Variants in JMJD7 observed in about 807,000 individuals in gnomAD.
JMJD7 encodes the protein bifunctional peptidase and (3S)-lysyl hydroxylase JMJD7.
A neutral mutation model predicts 41.1 loss-of-function variants in JMJD7; 41 were observed. That is an observed-to-expected ratio of 1.00 (90% CI 0.78 to 1.30). The LOEUF is 1.30. Among genes scored for constraint, JMJD7 ranks in the 50% most tolerant of loss-of-function variants. The pLI is 0.00. For missense variants in JMJD7, 480 were observed against 420.7 expected (o/e 1.14, Z -1.23); for synonymous variants, 202 against 177.2 (o/e 1.14, Z -1.11).
intron 1 of JMJD7, 24 bp downstream of exon 1, chr15:41,828,212 C>G: frequency 6.7e-7 from 1 of 1,495,434 alleles, no homozygotes. Context: ...CCACAGGCTG[C>G]GGCGATTTCC....
In JMJD7 at chr15:41,836,836, A is replaced by G. The variant is rs2065327157; in HGVS notation, c.758A>G (p.Tyr253Cys). The change falls in exon 7 of 8, where the codon TAC (tyrosine) becomes TGC (cysteine). Residue 253 changes from tyrosine to cysteine, a missense_variant. Tyr to Cys is a radical substitution (Grantham distance 194). Transcript: ENST00000397299. ...LAPDLARYPS[Y>C]SQAQALRCTV... ...CCAGACCTAGCACGGTACCCTAGTTACAGTCAGGCCCAGGCCCTTCGCTGC... is the reference window on the plus strand; with the variant it reads ...CCAGACCTAGCACGGTACCCTAGTTGCAGTCAGGCCCAGGCCCTTCGCTGC... The G allele has an allele frequency of 6.2e-7, 1 of 1,612,982 alleles. No homozygotes were observed. The highest frequency in any genetic ancestry group is 8.5e-7 in the Non-Finnish European group (1 of 1,179,682).
rs749556787 is a variant in JMJD7, at chr15:41,837,077, G to A, written c.872G>A (p.Trp291Ter). The change falls in exon 8 of 8, where the codon TGG becomes TAG. Residue 291 changes from tryptophan to a stop codon, truncating the protein, a stop_gained. Coordinates refer to ENST00000397299, the MANE Select transcript of JMJD7 (RefSeq NM_001114632.2). LOFTEE classifies it high-confidence loss of function. ...CCCGTTCTTCCCACAGTGAATTTCT[G>A]GTATGACATGGAATACGACCTCAAG... The part of the protein sequence containing the change: ...QSQGCIAVNF[W>*]YDMEYDLKYS... 1 of 1,613,198 alleles carries A rather than the reference G, an allele frequency of 6.2e-7. No homozygotes were observed. Among genetic ancestry groups the A allele is most frequent in the African/African-American group, 1.3e-5 (1 of 74,916 alleles).
chr15:41,836,247 G>A lies in JMJD7; in HGVS notation c.625+4G>A. The A allele has an allele frequency of 6.2e-7, 1 of 1,612,468 alleles. No homozygotes were observed. Among genetic ancestry groups the A allele is most frequent in the Non-Finnish European group, 8.5e-7 (1 of 1,179,354 alleles). On this transcript the variant is annotated splice_donor_region_variant and intron_variant, in intron 5 of 7. Transcript: ENST00000397299. ...GACCGGCCCTTCATCCCCTATGGTA[G>A]GGGATGTGGCCTGCAGGGAGGGGCT...
In JMJD7 at chr15:41,828,141, T is replaced by C. The variant is rs1166251024; in HGVS notation, c.17T>C (p.Leu6Ser). ...GACGCAGCCATGGCGGAGGCGGCTT[T>C]GGAAGCCGTGCGGAGCGAGTTACGA... The part of the protein sequence containing the change: MAEAA[L>S]EAVRSELREF... Residue 6 changes from leucine to serine, a missense_variant, in exon 1 of 8, where the codon TTG (leucine) becomes TCG (serine). Physicochemically the swap from Leu to Ser is moderately radical, Grantham distance 145 (BLOSUM62 -2). Coordinates refer to ENST00000397299, the MANE Select transcript of JMJD7 (RefSeq NM_001114632.2). 7 of 1,476,942 alleles carry C rather than the reference T, an allele frequency of 4.7e-6. No homozygotes were observed. The African/African-American group carries it at 7.4e-5, about 16-fold the overall frequency. The allele number at this position is 1,476,942 out of a possible 1,614,324, so 91.5% of individuals were successfully genotyped here.
intron 1 of JMJD7, among the ~76,000 whole-genome samples, chr15:41,833,413 T>TATATATATATATATATATAG (rs2065260832): frequency 1.9e-5 from 1 of 52,688 alleles, no homozygotes; most frequent in Non-Finnish European, 4.0e-5. Flanking sequence ...TATATATATA[T>TATATATATATATATATATAG]ATTTTTTTTT....
At chr15:41,836,269 G>C (rs779016414) in intron 5 of JMJD7, 26 bp downstream of exon 5, 2 of 1,611,714 alleles carry the variant, frequency 1.2e-6, no homozygotes, top group Non-Finnish European at 1.7e-6. Context: ...TGCAGGGAGG[G>C]GCTGGGGAAC....
rs761210356 is a variant in JMJD7, at chr15:41,828,129, C to T, written c.5C>T (p.Ala2Val). Reference sequence around the variant, plus strand: ...TCGGCCGGCGCTGACGCAGCCATGGCGGAGGCGGCTTTGGAAGCCGTGCGG... The same window carrying T: ...TCGGCCGGCGCTGACGCAGCCATGGTGGAGGCGGCTTTGGAAGCCGTGCGG... M[A>V]EAALEAVRSE... Residue 2 changes from alanine to valine, a missense_variant, in exon 1 of 8, where the codon GCG (alanine) becomes GTG (valine). Coordinates refer to ENST00000397299, the MANE Select transcript of JMJD7 (RefSeq NM_001114632.2). 2.3e-5 allele frequency: 33 copies of T among 1,461,884 alleles called. No individual in the cohort carries two copies. Among genetic ancestry groups the T allele is most frequent in the South Asian group, 5.7e-5 (4 of 69,840 alleles). 90.6% of individuals were successfully genotyped at this position (1,461,884 alleles called of 1,614,324 possible).
At position 41,828,098 on chromosome 15, in the gene JMJD7, G is replaced by T. The variant is rs746759213; in HGVS notation, c.-27G>T. The T allele has an allele frequency of 9.1e-6, 13 of 1,426,262 alleles. No individual in the cohort carries two copies. Among genetic ancestry groups the T allele is most frequent in the Non-Finnish European group, 1.1e-5 (12 of 1,094,366 alleles). 88.4% of individuals were successfully genotyped at this position (1,426,262 alleles called of 1,614,324 possible). ...CTGCGGCGGGGCGTCGGGGAAAGGC[G>T]GGGTCTCGGCCGGCGCTGACGCAGC... On this transcript the variant is annotated 5_prime_UTR_variant, in exon 1 of 8. Coordinates refer to ENST00000397299, the MANE Select transcript of JMJD7 (RefSeq NM_001114632.2).
At chr15:41,830,720 C>G (rs1353802015) in intron 1 of JMJD7, among the ~76,000 whole-genome samples, 2 of 152,224 alleles carry the variant, frequency 1.3e-5, no homozygotes, top group Non-Finnish European at 2.9e-5. Context: ...AGTGCCTGAT[C>G]CTGCTGTCTG....
At chr15:41,836,579 G>A (rs1403141516) in intron 6 of JMJD7, 28 bp downstream of exon 6, 2 of 1,534,846 alleles carry the variant, frequency 1.3e-6, no homozygotes, top group African/African-American at 1.4e-5. Context: ...GGGCTCTAGG[G>A]AGGGAGAAGG....
At chr15:41,831,312 C>T (rs114919839) in intron 1 of JMJD7, among the ~76,000 whole-genome samples, 1,938 of 152,276 alleles carry the variant, frequency 0.013, 47 homozygotes, top group African/African-American at 0.044. Flanking sequence ...TCTTTCTTTT[C>T]CAGTATTCCT....
chr15:41,833,414 A>ATTTTTTTT lies in JMJD7; in HGVS notation c.65-1309_65-1302dup, dbSNP rs67111164. On this transcript the variant is annotated intron_variant, in intron 1 of 7. Transcript: ENST00000397299. ...AATACATATATATATATATATATATATTTTTTTTTTTTTTTTTTTTTTTTG... is the reference window on the plus strand; with the variant it reads ...AATACATATATATATATATATATATATTTTTTTTTTTTTTTTTTTTTTTTTTTTTTTTG... Among the ~76,000 whole-genome samples the ATTTTTTTT allele has an allele frequency of 7.8e-4, 25 of 32,012 alleles. 1 individual carries two copies. Among genetic ancestry groups the ATTTTTTTT allele is most frequent in the African/African-American group, 1.4e-3 (15 of 10,600 alleles). 21.0% of individuals were successfully genotyped at this position (32,012 alleles called of 152,430 possible). A position where few individuals can be genotyped will look rare whatever the true frequency, so the allele number is the denominator to read the frequency against.
chr15:41,835,789 C>T, intron 4 of JMJD7, 145 bp downstream of exon 4: 1 of 1,028,550 alleles, frequency 9.7e-7, no homozygotes, highest in South Asian at 1.7e-5. Context: ...TCGGGCACCA[C>T]AGAGGGTTTC....
At position 41,836,848 on chromosome 15, in the gene JMJD7, A is replaced by C; in HGVS notation, c.770A>C (p.Gln257Pro). 1 of 1,613,224 alleles carries C rather than the reference A, an allele frequency of 6.2e-7. No individual in the cohort carries two copies. The highest frequency in any genetic ancestry group is 8.5e-7 in the Non-Finnish European group (1 of 1,179,766). The change falls in exon 7 of 8, where the codon CAG becomes CCG. Residue 257 changes from glutamine to proline, a missense_variant. Transcript: ENST00000397299. ...LARYPSYSQA[Q>P]ALRCTVRAGE... is the part of the protein sequence containing the mutation. ...CGGTACCCTAGTTACAGTCAGGCCC[A>C]GGCCCTTCGCTGCACGGTGCGGGCC...
chr15:41,828,887 A>G (rs2065184680), intron 1 of JMJD7, among the ~76,000 whole-genome samples: 1 of 152,184 alleles, frequency 6.6e-6, no homozygotes, highest in Non-Finnish European at 1.5e-5. Flanking sequence ...CTTGGAGATC[A>G]TTTCACATTC....
At chr15:41,835,751 C>T in intron 4 of JMJD7, 107 bp downstream of exon 4, 1 of 1,370,180 alleles carries the variant, frequency 7.3e-7, no homozygotes, top group Non-Finnish European at 9.9e-7. Flanking sequence ...TTGGGCTGTT[C>T]TCTAAGATTT....
rs1233398467 is a variant in JMJD7, at chr15:41,834,886, T to C, written c.211T>C (p.Tyr71His). 1 of 1,613,786 alleles carries C rather than the reference T, an allele frequency of 6.2e-7. No individual in the cohort carries two copies. Among genetic ancestry groups the C allele is most frequent in the Non-Finnish European group, 8.5e-7 (1 of 1,179,826 alleles). The change falls in exon 2 of 8, where the codon TAT (tyrosine) becomes CAT (histidine). Residue 71 changes from tyrosine to histidine, a missense_variant. Transcript: ENST00000397299. ...GGCCCTCCAGAAGTGGTCCCTCCCC[T>C]ATTTCAGGTGGGAGCTGCCCTGGGG... ...WPALQKWSLP[Y>H]FRATVGSTEV...
chr15:41,833,404 A>AT (rs1567164783), intron 1 of JMJD7, among the ~76,000 whole-genome samples: 2 of 41,154 alleles, frequency 4.9e-5, no homozygotes, highest in Non-Finnish European at 1.1e-4. Context: ...ATATATATAT[A>AT]TATATATATA....
At chr15:41,830,967 G>C (rs1320888151) in intron 1 of JMJD7, among the ~76,000 whole-genome samples, 1 of 152,220 alleles carries the variant, frequency 6.6e-6, no homozygotes, top group African/African-American at 2.4e-5. Flanking sequence ...AGGCAGACAG[G>C]TTCCTGGGTG....
Sources: gnomAD v4.1 joint callset for allele counts (sites outside exome capture counted in the v4.1 genomes callset) on GRCh38, gnomAD v4.1.1 for gene constraint, MANE v1.5 for transcripts, NCBI Gene and HGNC (gene_info 2026-07-23, HGNC 2026-07-21) for gene names.